TRPM3: variants seen among roughly 807,000 people sequenced by gnomAD.
TRPM3 encodes the protein long transient receptor potential channel 3.
A neutral mutation model predicts 181.2 loss-of-function variants in TRPM3; 77 were observed. That is an observed-to-expected ratio of 0.42 (90% CI 0.35 to 0.51). The LOEUF (loss-of-function observed/expected upper bound fraction) is 0.51, where lower values mean the gene tolerates loss of function less well. Among genes scored for constraint, TRPM3 ranks in the 20% least tolerant of loss-of-function variants. TRPM3 has a pLI of 0.01. For missense variants in TRPM3, 1,759 were observed against 2,196.7 expected (o/e 0.80, Z 3.98); for synonymous variants, 745 against 796.4 (o/e 0.94, Z 1.09).
intron 1 of TRPM3, among the ~76,000 whole-genome samples, chr9:71,050,042 A>G (rs1034776635): frequency 6.6e-6 from 1 of 152,212 alleles, no homozygotes; most frequent in African/African-American, 2.4e-5. Flanking sequence ...ACCTTCTTGC[A>G]GGTTATTATG....
intron 22 of TRPM3, among the ~76,000 whole-genome samples, chr9:70,589,188 T>G (rs1221800389): frequency 6.6e-6 from 1 of 152,230 alleles, no homozygotes; most frequent in East Asian, 1.9e-4. Context: ...CTTCTCTGTC[T>G]CCAGGGGGTT....
At chr9:70,612,534 A>C (rs1484062008) in intron 18 of TRPM3, among the ~76,000 whole-genome samples, 1 of 152,238 alleles carries the variant, frequency 6.6e-6, no homozygotes, top group Non-Finnish European at 1.5e-5. Context: ...ACTTTACTCA[A>C]CTATGTAATA....
chr9:71,047,406 T>C (rs1429950434), intron 1 of TRPM3, among the ~76,000 whole-genome samples: 1 of 152,134 alleles, frequency 6.6e-6, no homozygotes, highest in Admixed American at 6.5e-5. Context: ...GTAAGAAAAT[T>C]TTAATAATTT....
intron 1 of TRPM3, among the ~76,000 whole-genome samples, chr9:71,096,619 C>T (rs1422555167): frequency 6.6e-6 from 1 of 150,466 alleles, no homozygotes; most frequent in Non-Finnish European, 1.5e-5. Context: ...CTCTCTCTCT[C>T]TCTCTCCCCC....
intron 1 of TRPM3, among the ~76,000 whole-genome samples, chr9:70,899,196 A>G (rs1209005376): frequency 5.9e-5 from 9 of 152,202 alleles, no homozygotes; most frequent in African/African-American, 2.2e-4. Flanking sequence ...CAGTTTATAG[A>G]GTAATACAGT....
intron 1 of TRPM3, among the ~76,000 whole-genome samples, chr9:70,932,129 G>A (rs11142645): frequency 0.015 from 2,343 of 152,196 alleles, 43 homozygotes; most frequent in East Asian, 0.073. Flanking sequence ...GATGACTCTA[G>A]GATTAGACCT....
intron 1 of TRPM3, among the ~76,000 whole-genome samples, chr9:71,147,007 G>A (rs763574318): frequency 2.6e-5 from 4 of 152,124 alleles, no homozygotes; most frequent in Non-Finnish European, 5.9e-5. Flanking sequence ...ACCCGTCTGC[G>A]AGGGAAACCA....
intron 7 of TRPM3, among the ~76,000 whole-genome samples, chr9:70,769,133 C>T (rs2079709416): frequency 6.6e-6 from 1 of 152,158 alleles, no homozygotes; most frequent in Non-Finnish European, 1.5e-5. Flanking sequence ...TCTTAAACCC[C>T]TGCAATAGCT....
intron 25 of TRPM3, among the ~76,000 whole-genome samples, chr9:70,541,779 G>A (rs1260563948): frequency 1.3e-5 from 2 of 152,144 alleles, no homozygotes; most frequent in Non-Finnish European, 2.9e-5. Context: ...CCAAAGTGCT[G>A]GGATTACAGG....
At chr9:71,296,987 T>TC (rs1491579895) in intron 1 of TRPM3, among the ~76,000 whole-genome samples, 1 of 133,920 alleles carries the variant, frequency 7.5e-6, no homozygotes, top group Non-Finnish European at 1.6e-5. Context: ...GTGAATCTTT[T>TC]CTTTTTTTTT....
intron 6 of TRPM3, among the ~76,000 whole-genome samples, chr9:70,795,202 G>A (rs1295962260): frequency 1.3e-5 from 2 of 152,144 alleles, no homozygotes; most frequent in Non-Finnish European, 2.9e-5. Context: ...GGACATTGAG[G>A]GGTGTTTGCA....
At chr9:71,261,601 T>G (rs774859295) in intron 1 of TRPM3, among the ~76,000 whole-genome samples, 3 of 152,236 alleles carry the variant, frequency 2.0e-5, no homozygotes, top group Non-Finnish European at 4.4e-5. Context: ...TTTGGAATGT[T>G]CAGCCTTTTC....
At chr9:71,210,878 G>C (rs1427171554) in intron 1 of TRPM3, among the ~76,000 whole-genome samples, 1 of 152,180 alleles carries the variant, frequency 6.6e-6, no homozygotes, top group African/African-American at 2.4e-5. Context: ...TCTTCTGGCT[G>C]TGTTCTCACG....
chr9:71,284,966 C>A (rs1169531260), intron 1 of TRPM3, among the ~76,000 whole-genome samples: 1 of 152,160 alleles, frequency 6.6e-6, no homozygotes, highest in Non-Finnish European at 1.5e-5. Context: ...TAAAAAGCTG[C>A]AATTCTCAAA....
chr9:70,983,777 G>A (rs775904571), intron 1 of TRPM3, among the ~76,000 whole-genome samples: 6 of 149,300 alleles, frequency 4.0e-5, no homozygotes, highest in Admixed American at 6.6e-5. Flanking sequence ...TCTTGAAAAT[G>A]GGGGAAAAAA....
intron 12 of TRPM3, among the ~76,000 whole-genome samples, chr9:70,634,862 T>C (rs997594189): frequency 6.6e-6 from 1 of 152,158 alleles, no homozygotes; most frequent in Non-Finnish European, 1.5e-5. Flanking sequence ...TTTACTCTTG[T>C]GGTCAGTCAG....
At chr9:71,093,419 G>C (rs1178969646) in intron 1 of TRPM3, among the ~76,000 whole-genome samples, 1 of 152,038 alleles carries the variant, frequency 6.6e-6, no homozygotes, top group Non-Finnish European at 1.5e-5. Context: ...TCAAAAAGTG[G>C]GTGAAGGATA....
chr9:71,348,817 C>G (rs1490746994), intron 1 of TRPM3, among the ~76,000 whole-genome samples: 1 of 152,060 alleles, frequency 6.6e-6, no homozygotes, highest in Non-Finnish European at 1.5e-5. Flanking sequence ...ATGAGCCACC[C>G]ACCTAATCCT....
At chr9:71,413,018 T>C (rs1429560934) in intron 1 of TRPM3, among the ~76,000 whole-genome samples, 1 of 152,122 alleles carries the variant, frequency 6.6e-6, no homozygotes, top group Non-Finnish European at 1.5e-5. Flanking sequence ...AAACACCGCA[T>C]GTTCTCACTC....
Sources: allele counts gnomAD v4.1 joint callset (sites outside exome capture counted in the v4.1 genomes callset), GRCh38; gene constraint gnomAD v4.1.1; transcripts MANE v1.5; gene names NCBI Gene and HGNC (gene_info 2026-07-23, HGNC 2026-07-21).